Variants in DOCK2 observed in about 807,000 individuals in gnomAD.
DOCK2 encodes the protein dedicator of cytokinesis protein 2.
In DOCK2, 87 loss-of-function variants were observed where a neutral mutation model predicts 248.9. The observed-to-expected ratio is 0.35, with a 90% confidence interval of 0.29 to 0.42. The LOEUF (loss-of-function observed/expected upper bound fraction) is 0.42. Among genes scored for constraint, DOCK2 ranks in the 10% least tolerant of loss-of-function variants. The pLI, the probability that DOCK2 is intolerant of heterozygous loss-of-function variation, is 1.00. For missense variants in DOCK2, 1,747 were observed against 2,300.2 expected (o/e 0.76, Z 4.92); for synonymous variants, 805 against 821.6 (o/e 0.98, Z 0.35).
intron 25 of DOCK2, among the ~76,000 whole-genome samples, chr5:169,795,105 C>T (rs1281675788): frequency 6.6e-6 from 1 of 152,184 alleles, no homozygotes; most frequent in African/African-American, 2.4e-5. Flanking sequence ...TTCTAAATGG[C>T]ATGAGCCAAC....
intron 25 of DOCK2, among the ~76,000 whole-genome samples, chr5:169,785,426 A>C (rs1346048108): frequency 1.3e-5 from 2 of 152,314 alleles, no homozygotes; most frequent in Non-Finnish European, 2.9e-5. Flanking sequence ...ATATTTTCCC[A>C]CTATTAACAC....
chr5:169,639,959 A>G (rs569366164), intron 1 of DOCK2, among the ~76,000 whole-genome samples: 1 of 152,302 alleles, frequency 6.6e-6, no homozygotes, highest in East Asian at 1.9e-4. Flanking sequence ...TCAAAGCACC[A>G]CCAGGGTTGG....
At chr5:169,685,302 C>G (rs971369200) in intron 8 of DOCK2, among the ~76,000 whole-genome samples, 1 of 152,198 alleles carries the variant, frequency 6.6e-6, no homozygotes, top group Non-Finnish European at 1.5e-5. Flanking sequence ...CTGGGTGCCT[C>G]AGCTCAAGGA....
At chr5:169,901,416 A>AGGGT (rs1448360597) in intron 27 of DOCK2, among the ~76,000 whole-genome samples, 1 of 152,002 alleles carries the variant, frequency 6.6e-6, no homozygotes, top group Non-Finnish European at 1.5e-5. Context: ...AGGTTTACGA[A>AGGGT]GGGTGTGTGT....
chr5:169,757,183 A>C (rs979547063), intron 23 of DOCK2, among the ~76,000 whole-genome samples: 1 of 152,058 alleles, frequency 6.6e-6, no homozygotes, highest in South Asian at 2.1e-4. Context: ...TCCTCATTCC[A>C]TATCACTTCT....
At chr5:169,891,785 C>T (rs1055966427) in intron 27 of DOCK2, among the ~76,000 whole-genome samples, 1 of 152,024 alleles carries the variant, frequency 6.6e-6, no homozygotes, top group African/African-American at 2.4e-5. Flanking sequence ...GAGTTCAAGA[C>T]CAGCTTGGAC....
rs1758096360 is a variant in DOCK2 at position 170,083,230 on chromosome 5, G to T, written c.*372G>T. 1.1e-5 allele frequency: 2 copies of T among 181,826 alleles called. No individual in the cohort carries two copies. The highest frequency in any genetic ancestry group is 2.3e-5 in the African/African-American group (1 of 42,632). The allele number at this position is 181,826 out of a possible 1,614,324, so 11.3% of individuals were successfully genotyped here. On this transcript the variant is annotated 3_prime_UTR_variant, in exon 52 of 52. Transcript: ENST00000520908. ...GTCTCAGAACTTAACAGAAAAGGAA[G>T]CCTTTTAAATATTCTTTTTAATTTT...
At chr5:169,862,555 A>G (rs1771271311) in intron 27 of DOCK2, among the ~76,000 whole-genome samples, 1 of 152,250 alleles carries the variant, frequency 6.6e-6, no homozygotes, top group Admixed American at 6.5e-5. Flanking sequence ...TCTTATTGAA[A>G]TGTGGCTTCT....
chr5:169,756,268 GA>G (rs1445072658), intron 23 of DOCK2, among the ~76,000 whole-genome samples: 2 of 152,192 alleles, frequency 1.3e-5, no homozygotes, highest in Admixed American at 6.5e-5. Context: ...GGAGACTCCT[GA>G]TAACTGCGGT....
chr5:170,037,382 T>C (rs991035079), intron 36 of DOCK2, among the ~76,000 whole-genome samples: 1 of 151,986 alleles, frequency 6.6e-6, no homozygotes, highest in Non-Finnish European at 1.5e-5. Flanking sequence ...AACTATAAAA[T>C]TTTTTCCAGA....
intron 27 of DOCK2, among the ~76,000 whole-genome samples, chr5:169,937,335 G>C (rs1324356877): frequency 6.6e-6 from 1 of 152,150 alleles, no homozygotes; most frequent in African/African-American, 2.4e-5. Flanking sequence ...GCTGCACCTT[G>C]GATCTATGGT....
chr5:169,910,304 T>A (rs1774523225), intron 27 of DOCK2, among the ~76,000 whole-genome samples: 1 of 152,204 alleles, frequency 6.6e-6, no homozygotes, highest in African/African-American at 2.4e-5. Flanking sequence ...ATGGAATATG[T>A]AAGGAAGATC....
rs781388716 is a variant in DOCK2 at position 169,810,983 on chromosome 5, T to TCACACA, written c.2703+7778_2703+7779insACACAC. Among the ~76,000 whole-genome samples, 113 of 84,960 alleles carry TCACACA rather than the reference T, an allele frequency of 1.3e-3. No homozygotes were observed. The Middle Eastern group carries it at 0.022, about 16-fold the overall frequency. The allele number at this position is 84,960 out of a possible 152,430, so 55.7% of individuals were successfully genotyped here. ...CACACACACACAGACTCTCTCTCTC[T>TCACACA]CTCTCTCACACACACACACACACAC... On this transcript the variant is annotated intron_variant, in intron 26 of 51. Coordinates refer to ENST00000520908, the MANE Select transcript of DOCK2 (RefSeq NM_004946.3).
At chr5:169,754,112 G>T (rs1159994838) in intron 23 of DOCK2, among the ~76,000 whole-genome samples, 3 of 152,216 alleles carry the variant, frequency 2.0e-5, no homozygotes, top group Non-Finnish European at 2.9e-5. Flanking sequence ...TTGAAAGAGA[G>T]AGAAAGGGAG....
chr5:170,032,208 A>G (rs143637993), intron 34 of DOCK2, among the ~76,000 whole-genome samples: 5,302 of 151,888 alleles, frequency 0.035, 312 homozygotes, highest in African/African-American at 0.12. Flanking sequence ...TTGTATTTTT[A>G]GTAGAGATGG....
chr5:169,862,488 T>A (rs546500773), intron 27 of DOCK2, among the ~76,000 whole-genome samples: 1 of 151,912 alleles, frequency 6.6e-6, no homozygotes, highest in Admixed American at 6.6e-5. Flanking sequence ...CAACTGACAG[T>A]TGATCGTATG....
At chr5:169,776,640 C>T (rs999432963) in intron 25 of DOCK2, among the ~76,000 whole-genome samples, 1 of 152,148 alleles carries the variant, frequency 6.6e-6, no homozygotes, top group African/African-American at 2.4e-5. Flanking sequence ...CAAATCTGAC[C>T]TTGAATTATA....
chr5:169,643,367 A>AG (rs60128463), intron 1 of DOCK2, among the ~76,000 whole-genome samples: 149,538 of 149,540 alleles, frequency 1, 74,768 homozygotes, highest in Non-Finnish European at 1. Context: ...TTTCAGCACC[A>AG]GGGCTGGTTT....
At chr5:170,014,270 A>G (rs1755425510) in intron 32 of DOCK2, among the ~76,000 whole-genome samples, 1 of 152,160 alleles carries the variant, frequency 6.6e-6, no homozygotes, top group Admixed American at 6.5e-5. Context: ...CTCCCCAAAG[A>G]TGTCCATGTC....
Sources: allele counts gnomAD v4.1 joint callset (sites outside exome capture counted in the v4.1 genomes callset), GRCh38; gene constraint gnomAD v4.1.1; transcripts MANE v1.5; gene names NCBI Gene and HGNC (gene_info 2026-07-23, HGNC 2026-07-21).